The following BICRAL variants were observed in gnomAD, a reference collection of about 807,000 sequenced individuals.
BICRAL encodes the protein BICRA like chromatin remodeling complex associated protein, also known as BRD4-interacting chromatin-remodeling complex-associated protein-like.
In BICRAL, 8 loss-of-function variants were observed where a neutral mutation model predicts 91.8. The observed-to-expected ratio is 0.09, with a 90% CI of 0.05 to 0.16. The LOEUF (loss-of-function observed/expected upper bound fraction) is 0.16. Among genes scored for constraint, BICRAL ranks in the 10% least tolerant of loss-of-function variants. The pLI, the probability that BICRAL is intolerant of heterozygous loss-of-function variation, is 1.00. For synonymous variants in BICRAL, 445 were observed against 491.1 expected (o/e 0.91, Z 1.24); for missense variants, 1,038 against 1,310.9 (o/e 0.79, Z 3.21).
At chr6:42,809,909 C>T (rs908014746) in intron 1 of BICRAL, among the ~76,000 whole-genome samples, 1 of 152,160 alleles carries the variant, frequency 6.6e-6, no homozygotes, top group African/African-American at 2.4e-5. Context: ...GCCTTAGCCT[C>T]CTGAGTAGCT....
At chr6:42,774,170 G>A (rs1762779287) in intron 1 of BICRAL, among the ~76,000 whole-genome samples, 1 of 152,148 alleles carries the variant, frequency 6.6e-6, no homozygotes, top group Admixed American at 6.5e-5. Flanking sequence ...ATAGGGGTTT[G>A]GAGGAGGAGA....
intron 6 of BICRAL, among the ~76,000 whole-genome samples, chr6:42,847,308 T>A (rs1007479687): frequency 6.6e-6 from 1 of 152,184 alleles, no homozygotes; most frequent in African/African-American, 2.4e-5. Context: ...ATAAATTAGC[T>A]GTAGATTTTT....
At chr6:42,752,361 A>G (rs1762393847) in intron 1 of BICRAL, among the ~76,000 whole-genome samples, 2 of 152,204 alleles carry the variant, frequency 1.3e-5, no homozygotes, top group African/African-American at 4.8e-5. Context: ...GGGAGGCCCT[A>G]AGACTGCCAA....
At chr6:42,803,378 A>G (rs188125598) in intron 1 of BICRAL, among the ~76,000 whole-genome samples, 321 of 152,142 alleles carry the variant, frequency 2.1e-3, no homozygotes, top group Non-Finnish European at 3.6e-3. Flanking sequence ...CTTTTTTTAC[A>G]CTGGCTTGAT....
chr6:42,752,598 C>A (rs370089572), intron 1 of BICRAL, among the ~76,000 whole-genome samples: 12 of 152,012 alleles, frequency 7.9e-5, no homozygotes, highest in African/African-American at 2.9e-4. Context: ...AGATGCATGC[C>A]ACCGTGCCCA....
intron 6 of BICRAL, among the ~76,000 whole-genome samples, chr6:42,845,353 G>A (rs776713320): frequency 2.7e-5 from 4 of 150,268 alleles, no homozygotes; most frequent in Non-Finnish European, 5.9e-5. Context: ...CTCAGCCTCC[G>A]GAGGGATTAC....
At chr6:42,836,893 T>G (rs762963062) in intron 6 of BICRAL, among the ~76,000 whole-genome samples, 1 of 151,822 alleles carries the variant, frequency 6.6e-6, no homozygotes, top group Non-Finnish European at 1.5e-5. Flanking sequence ...GTGCTGGGAT[T>G]ACAGGTGTGA....
intron 9 of BICRAL, 97 bp downstream of exon 9, chr6:42,856,014 G>A (rs1765339681): frequency 1.0e-6 from 1 of 989,106 alleles, no homozygotes; most frequent in Non-Finnish European, 1.6e-6. Context: ...ATAATAATGA[G>A]TATATTAGCC....
At chr6:42,852,976 G>A (rs1297667010) in intron 7 of BICRAL, among the ~76,000 whole-genome samples, 5 of 149,232 alleles carry the variant, frequency 3.4e-5, no homozygotes, top group African/African-American at 1.2e-4. Context: ...GAGGCAGGAG[G>A]ATCACCTGAG....
chr6:42,769,034 T>C (rs1330124546), intron 1 of BICRAL, among the ~76,000 whole-genome samples: 1 of 152,250 alleles, frequency 6.6e-6, no homozygotes, highest in African/African-American at 2.4e-5. Context: ...TCTATGACTA[T>C]ATAACAAGGC....
intron 6 of BICRAL, among the ~76,000 whole-genome samples, chr6:42,836,402 C>T (rs1251214650): frequency 1.3e-5 from 2 of 151,908 alleles, no homozygotes; most frequent in African/African-American, 2.4e-5. Flanking sequence ...CTTTTTATGC[C>T]AAAAAGCATT....
intron 1 of BICRAL, among the ~76,000 whole-genome samples, chr6:42,800,872 T>C (rs1444698757): frequency 1.3e-5 from 2 of 152,226 alleles, no homozygotes; most frequent in Non-Finnish European, 2.9e-5. Context: ...AACCAAAATA[T>C]TTTGAATGTT....
intron 6 of BICRAL, among the ~76,000 whole-genome samples, chr6:42,836,943 TTTC>T (rs1764655310): frequency 6.8e-6 from 1 of 147,154 alleles, no homozygotes; most frequent in African/African-American, 2.5e-5. Flanking sequence ...CTATGTAATA[TTTC>T]TTTTCTTTTT....
intron 6 of BICRAL, among the ~76,000 whole-genome samples, chr6:42,831,773 C>CTGTT (rs1317057845): frequency 6.7e-6 from 1 of 150,292 alleles, no homozygotes; most frequent in Admixed American, 6.6e-5. Flanking sequence ...CAGTCTCACT[C>CTGTT]TGTTGCCCAG....
chr6:42,814,521 T>TATA (rs1562475045), intron 2 of BICRAL, among the ~76,000 whole-genome samples: 119 of 34,754 alleles, frequency 3.4e-3, no homozygotes, highest in Admixed American at 6.2e-3. Context: ...ATATATATAT[T>TATA]TTTTTTTTTT....
At position 42,758,908 on chromosome 6, in the gene BICRAL, A is replaced by T. The variant is rs144553953; in HGVS notation, c.-261+11885A>T. On this transcript the variant is annotated intron_variant, in intron 1 of 14. Coordinates refer to the BICRAL transcript ENST00000614467. ...GTCTCTGCCTTCTGGCCAGGAGGCTAGGAGAGCTCCAGTGCTTCCAGCAAC... is the reference window on the plus strand; with the variant it reads ...GTCTCTGCCTTCTGGCCAGGAGGCTTGGAGAGCTCCAGTGCTTCCAGCAAC... 2.6e-5 allele frequency among the ~76,000 whole-genome samples: 4 copies of T among 152,314 alleles called. No individual in the cohort carries two copies. The East Asian group carries it at 7.7e-4, about 29-fold the overall frequency.
rs71305782 is a variant in BICRAL, at chr6:42,835,136, C to CTT, written c.1839+4973_1839+4974dup. On this transcript the variant is annotated intron_variant, in intron 6 of 12. Coordinates refer to ENST00000314073, the MANE Select transcript of BICRAL (RefSeq NM_001393499.1). ...CTTTCCTTCCCCTCTACCCTTTTTT[C>CTT]TTTTTTTTTTGAGTCAGAGTCTCAC... Among the ~76,000 whole-genome samples the CTT allele has an allele frequency of 4.0e-4, 59 of 148,172 alleles. No individual in the cohort carries two copies. The East Asian group carries it at 4.1e-3, about 10-fold the overall frequency.
At chr6:42,832,649 G>C (rs757207529) in intron 6 of BICRAL, among the ~76,000 whole-genome samples, 80 of 149,732 alleles carry the variant, frequency 5.3e-4, no homozygotes, top group Non-Finnish European at 8.1e-4. Flanking sequence ...AAAGTTACAA[G>C]ATTACTACAA....
intron 1 of BICRAL, among the ~76,000 whole-genome samples, chr6:42,804,947 C>T (rs1300152948): frequency 6.6e-6 from 1 of 152,244 alleles, no homozygotes; most frequent in African/African-American, 2.4e-5. Flanking sequence ...AGCGATCCTC[C>T]TGCCTTGGCC....
Sources: gnomAD v4.1 joint callset for allele counts (sites outside exome capture counted in the v4.1 genomes callset) on GRCh38, gnomAD v4.1.1 for gene constraint, MANE v1.5 for transcripts, NCBI Gene and HGNC (gene_info 2026-07-23, HGNC 2026-07-21) for gene names.